Variants in PNPLA7 observed in about 807,000 individuals in gnomAD.
PNPLA7 encodes patatin-like phospholipase domain-containing protein 7.
Under a neutral mutation model 161.7 loss-of-function variants are expected in PNPLA7, and 153 were observed. The observed-to-expected ratio is 0.95, with a 90% CI of 0.83 to 1.08. The LOEUF is 1.08. PNPLA7 is among the 50% of genes least tolerant of loss of function. The pLI is 0.00. For synonymous variants in PNPLA7, 809 were observed against 782.1 expected, an observed-to-expected ratio of 1.03 and a Z score of -0.57; for missense variants, 1,739 against 1,856.6, an observed-to-expected ratio of 0.94 and a Z score of 1.16.
chr9:137,542,927 C>A, intron 6 of PNPLA7, 126 bp from the exon 7 acceptor site: 1 of 960,782 alleles, frequency 1.0e-6, no homozygotes, highest in Non-Finnish European at 1.5e-6. Flanking sequence ...GTCCACACGG[C>A]TGACCAACAA....
At chr9:137,536,004 T>C (rs1835867596) in intron 8 of PNPLA7, among the ~76,000 whole-genome samples, 1 of 151,144 alleles carries the variant, frequency 6.6e-6, no homozygotes, top group East Asian at 2.0e-4. Flanking sequence ...ATACAAAAAA[T>C]TAGCCGGGCG....
chr9:137,467,469 A>G lies in PNPLA7; in HGVS notation c.2887T>C (p.Cys963Arg), dbSNP rs368058545. 6.2e-7 allele frequency: 1 copy of G among 1,612,948 alleles called. No individual in the cohort carries two copies. Among genetic ancestry groups the G allele is most frequent in the Non-Finnish European group, 8.5e-7 (1 of 1,179,958 alleles). The change falls in exon 26 of 35, where the codon TGT becomes CGT. Residue 963 changes from cysteine to arginine, a missense_variant. This residue lies in a region of PNPLA7 where 703 missense variants were observed against 694.6 expected (regional missense o/e 1.01). Transcript: ENST00000406427. The surrounding 1 kb of genome is among the most constrained non-coding windows in gnomAD (Gnocchi z 5.1). ...LVLGGGGARG[C>R]AQVGVLKALA... ...GCCTTGAGAACGCCCACCTGGGCACAGCCTCTACACCAGCCAGGGACACAG... is the reference window on the plus strand; with the variant it reads ...GCCTTGAGAACGCCCACCTGGGCACGGCCTCTACACCAGCCAGGGACACAG...
rs112185527 is a variant in PNPLA7, at chr9:137,523,629, ATT to A, written c.748-774_748-773del. ...TGCCGTCACCTGCCTGCAGAGACAG[ATT>A]TTTTTTTTTTTTTGAGACAGAGTCT... is the stretch of plus-strand genomic sequence containing the variant. On this transcript the variant is annotated intron_variant, in intron 8 of 34. Transcript: ENST00000406427. The surrounding 1 kb of genome is among the most constrained non-coding windows in gnomAD (Gnocchi z 4.4). Among the ~76,000 whole-genome samples the A allele has an allele frequency of 1.4e-5, 2 of 143,924 alleles. No individual in the cohort carries two copies. Among genetic ancestry groups the A allele is most frequent in the Non-Finnish European group, 1.5e-5 (1 of 65,274 alleles). The allele number at this position is 143,924 out of a possible 152,430, so 94.4% of individuals were successfully genotyped here.
chr9:137,479,480 C>T (rs1192635893), intron 23 of PNPLA7: 94 of 1,223,748 alleles, frequency 7.7e-5, no homozygotes, highest in Non-Finnish European at 9.5e-5. Flanking sequence ...CCTCCTCTTT[C>T]TGTTTCTCTA....
intron 14 of PNPLA7, among the ~76,000 whole-genome samples, chr9:137,503,047 A>C (rs1833583838): frequency 6.6e-6 from 1 of 151,908 alleles, no homozygotes; most frequent in Non-Finnish European, 1.5e-5. Context: ...CATCTATTCT[A>C]TATAGTTTTG....
chr9:137,518,391 T>A (rs1348994089), intron 11 of PNPLA7, among the ~76,000 whole-genome samples: 4 of 25,132 alleles, frequency 1.6e-4, no homozygotes, highest in Non-Finnish European at 2.1e-4. Flanking sequence ...ACTCCATCCC[T>A]CACTCACTCA....
intron 19 of PNPLA7, among the ~76,000 whole-genome samples, chr9:137,494,742 C>G: frequency 6.7e-6 from 1 of 149,206 alleles, no homozygotes; most frequent in East Asian, 2.0e-4. Context: ...AGCTCCGCAC[C>G]CTCACCTGCG....
In PNPLA7 at chr9:137,495,107, G is replaced by A; in HGVS notation, c.2053C>T (p.His685Tyr). The change falls in exon 19 of 35, where the codon CAT (histidine) becomes TAT (tyrosine). Residue 685 changes from histidine to tyrosine, a missense_variant. Physicochemically the swap from His to Tyr is moderately conservative, Grantham distance 83. Coordinates refer to ENST00000406427, the MANE Select transcript of PNPLA7 (RefSeq NM_001098537.3). Reference sequence around the variant, plus strand: ...GCCAATTCTGAGTCCCGAACGGCATGCACCGTGGTCGCCCGGGCCTGGTGG... The same window carrying A: ...GCCAATTCTGAGTCCCGAACGGCATACACCGTGGTCGCCCGGGCCTGGTGG... The part of the protein sequence containing the change: ...LTHQARATTV[H>Y]AVRDSELAKL... 1 of 1,607,956 alleles carries A rather than the reference G, an allele frequency of 6.2e-7. No homozygotes were observed. Among genetic ancestry groups the A allele is most frequent in the Non-Finnish European group, 8.5e-7 (1 of 1,179,246 alleles).
At position 137,541,987 on chromosome 9, in the gene PNPLA7, G is replaced by A. The variant is rs560721061; in HGVS notation, c.666+655C>T. ...TGTAGAGACGGGGTCTCACTACTTC[G>A]TCCAAGCTGGTCTCTAAGCCGTGGG... is the stretch of plus-strand genomic sequence containing the variant. On this transcript the variant is annotated intron_variant, in intron 7 of 34. Coordinates refer to ENST00000406427, the MANE Select transcript of PNPLA7 (RefSeq NM_001098537.3). The surrounding 1 kb of genome is among the most constrained non-coding windows in gnomAD (Gnocchi z 4.4). Among the ~76,000 whole-genome samples the A allele has an allele frequency of 1.7e-4, 26 of 152,218 alleles. No individual in the cohort carries two copies. Among genetic ancestry groups the A allele is most frequent in the African/African-American group, 5.5e-4 (23 of 41,514 alleles).
chr9:137,503,786 G>GACAAAAGAAGAGAGAAGAAGAAAGAAAT (rs374070077), intron 14 of PNPLA7, among the ~76,000 whole-genome samples: 44 of 3,354 alleles, frequency 0.013, 7 homozygotes, highest in African/African-American at 0.034. Flanking sequence ...AAAGAAAGAA[G>GACAAAAGAAGAGAGAAGAAGAAAGAAAT]AGAATGAAGA....
intron 12 of PNPLA7, among the ~76,000 whole-genome samples, chr9:137,515,007 G>C (rs1834453710): frequency 6.6e-6 from 1 of 152,184 alleles, no homozygotes; most frequent in African/African-American, 2.4e-5. Flanking sequence ...CGTCAGCAGG[G>C]CTGGGGAAGG....
intron 12 of PNPLA7, among the ~76,000 whole-genome samples, chr9:137,514,307 G>A (rs1353863246): frequency 6.8e-6 from 1 of 145,986 alleles, no homozygotes; most frequent in Admixed American, 6.7e-5. Context: ...CTGTGGGCGG[G>A]TCACCTGACT....
At chr9:137,514,914 G>A (rs949355727) in intron 12 of PNPLA7, among the ~76,000 whole-genome samples, 6 of 152,008 alleles carry the variant, frequency 3.9e-5, no homozygotes, top group Admixed American at 3.3e-4. Flanking sequence ...CCCGGGCCCT[G>A]TGGCTGGGCT....
chr9:137,497,193 G>GT lies in PNPLA7; in HGVS notation c.2006_2007insA (p.Gly670ArgfsTer51). On this transcript the variant is annotated frameshift_variant, in exon 18 of 35. Coordinates refer to ENST00000406427, the MANE Select transcript of PNPLA7 (RefSeq NM_001098537.3). LOFTEE classifies it high-confidence loss of function. ...AGCAGGGCCCAGCACCTACCACGCC[G>GT]ACGAGGTCTCCTCGGCCGTACTCCC... is the stretch of plus-strand genomic sequence containing the variant. 6.3e-7 allele frequency: 1 copy of GT among 1,579,490 alleles called. No homozygotes were observed. The highest frequency in any genetic ancestry group is 8.6e-7 in the Non-Finnish European group (1 of 1,164,550).
intron 25 of PNPLA7, among the ~76,000 whole-genome samples, chr9:137,472,350 T>A (rs1831742093): frequency 2.0e-5 from 3 of 151,936 alleles, no homozygotes. Flanking sequence ...CTTGAGCCAC[T>A]GTACCCAGCC....
chr9:137,462,275 C>G lies in PNPLA7; in HGVS notation c.3549G>C (p.Gln1183His). ...TRLAYVCCVR[Q>H]LEVVKSSDYC... Reference sequence around the variant, plus strand: ...AGTCACTGCTCTTCACCACCTCCAGCTGCCGCACGCAACACACGTAGGCCA... The same window carrying G: ...AGTCACTGCTCTTCACCACCTCCAGGTGCCGCACGCAACACACGTAGGCCA... The change falls in exon 31 of 35, where the codon CAG (glutamine) becomes CAC (histidine). Residue 1183 changes from glutamine to histidine, a missense_variant. By Grantham distance (24) the Gln-to-His change is conservative (BLOSUM62 0). Coordinates refer to ENST00000406427, the MANE Select transcript of PNPLA7 (RefSeq NM_001098537.3). 1 of 1,611,954 alleles carries G rather than the reference C, an allele frequency of 6.2e-7. No homozygotes were observed. The highest frequency in any genetic ancestry group is 1.1e-5 in the South Asian group (1 of 90,966).
intron 8 of PNPLA7, among the ~76,000 whole-genome samples, chr9:137,536,263 T>C (rs998749839): frequency 6.6e-6 from 1 of 152,012 alleles, no homozygotes; most frequent in African/African-American, 2.4e-5. Flanking sequence ...TGGCATCCTG[T>C]CTCAGGAAGT....
At position 137,465,109 on chromosome 9, in the gene PNPLA7, G is replaced by A. The variant is rs537310128; in HGVS notation, c.3040-653C>T. 2.0e-5 allele frequency among the ~76,000 whole-genome samples: 3 copies of A among 152,330 alleles called. No homozygotes were observed. In the South Asian group the frequency reaches 6.2e-4, roughly 32 times the overall value. On this transcript the variant is annotated intron_variant, in intron 26 of 34. Coordinates refer to ENST00000406427, the MANE Select transcript of PNPLA7 (RefSeq NM_001098537.3). ...TGCCATAGTGAGCCAGGGCTCAGGG[G>A]ACGGAGGCTGGGAGGGAAGCGCTTG... is the stretch of plus-strand genomic sequence containing the variant.
rs45627442 is a variant in PNPLA7 at position 137,478,721 on chromosome 9, A to G, written c.2763+335T>C. The G allele has an allele frequency of 7.8e-3, 1,935 of 249,232 alleles. 16 individuals carry two copies. The highest frequency in any genetic ancestry group is 0.012 in the Non-Finnish European group (1,505 of 128,476). 15.4% of individuals were successfully genotyped at this position (249,232 alleles called of 1,614,324 possible). ...CCTGAGCAGCCCTGACATGAGGCCC[A>G]TCCCCCAGGGTTCACTGAGCCCCCC... On this transcript the variant is annotated intron_variant, in intron 24 of 34. Coordinates refer to ENST00000406427, the MANE Select transcript of PNPLA7 (RefSeq NM_001098537.3).
Sources: gnomAD v4.1 joint callset for allele counts (sites outside exome capture counted in the v4.1 genomes callset) on GRCh38, gnomAD v4.1.1 for gene constraint, gnomAD v4.1.1 regional missense constraint, Gnocchi (gnomAD v3.1) non-coding constraint, MANE v1.5 for transcripts, NCBI Gene and HGNC (gene_info 2026-07-23, HGNC 2026-07-21) for gene names.